The following SPON1 variants were observed in gnomAD, a reference collection of about 807,000 sequenced individuals.
SPON1 encodes the protein spondin 1.
Under a neutral mutation model 111.7 loss-of-function variants are expected in SPON1, and 52 were observed. That is an observed-to-expected ratio of 0.47 (90% CI 0.37 to 0.59). The LOEUF (loss-of-function observed/expected upper bound fraction) is 0.59. SPON1 is among the 20% of genes least tolerant of loss of function. The pLI, the probability that SPON1 is intolerant of heterozygous loss-of-function variation, is 0.00. For synonymous variants in SPON1, 410 were observed against 395.8 expected, an observed-to-expected ratio of 1.04 and a Z score of -0.43; for missense variants, 957 against 1,068.5, an observed-to-expected ratio of 0.90 and a Z score of 1.46.
chr11:14,064,246 T>C (rs576057310), intron 3 of SPON1, among the ~76,000 whole-genome samples: 2 of 152,238 alleles, frequency 1.3e-5, no homozygotes, highest in Admixed American at 6.5e-5. Flanking sequence ...CAAAGGATAA[T>C]ACAAGATATT....
intron 6 of SPON1, among the ~76,000 whole-genome samples, chr11:14,181,574 G>C (rs1848235044): frequency 6.6e-6 from 1 of 152,198 alleles, no homozygotes; most frequent in South Asian, 2.1e-4. Flanking sequence ...ATTGTTCCTG[G>C]GAATAAATGT....
intron 5 of SPON1, among the ~76,000 whole-genome samples, chr11:14,081,014 T>C (rs2133832698): frequency 6.6e-6 from 1 of 151,874 alleles, no homozygotes; most frequent in Admixed American, 6.5e-5. Context: ...AGCCCAGGAG[T>C]TCAAGGCTGC....
intron 5 of SPON1, among the ~76,000 whole-genome samples, chr11:14,124,115 G>A (rs573178435): frequency 3.3e-5 from 5 of 152,208 alleles, no homozygotes; most frequent in African/African-American, 9.6e-5. Context: ...TATTAAGACA[G>A]TCATATCCTA....
intron 15 of SPON1, among the ~76,000 whole-genome samples, chr11:14,265,070 T>C (rs1849247828): frequency 6.6e-6 from 1 of 152,190 alleles, no homozygotes; most frequent in African/African-American, 2.4e-5. Flanking sequence ...TTGGACTCAT[T>C]CATGTGGCTA....
At chr11:14,170,790 T>C (rs1848089410) in intron 6 of SPON1, among the ~76,000 whole-genome samples, 1 of 152,220 alleles carries the variant, frequency 6.6e-6, no homozygotes, top group African/African-American at 2.4e-5. Flanking sequence ...ATATGCCAGA[T>C]TACGTTTATT....
At chr11:14,246,300 GCTGA>G (rs1413785016) in intron 7 of SPON1, among the ~76,000 whole-genome samples, 1 of 152,130 alleles carries the variant, frequency 6.6e-6, no homozygotes, top group East Asian at 1.9e-4. Flanking sequence ...CCAAGTAGGC[GCTGA>G]CATTTATTAT....
chr11:14,153,347 T>A (rs1487498078), intron 6 of SPON1, among the ~76,000 whole-genome samples: 1 of 152,122 alleles, frequency 6.6e-6, no homozygotes, highest in African/African-American at 2.4e-5. Flanking sequence ...CCACAGGCTG[T>A]AAAGGAAACA....
Position 14,079,930 on chromosome 11 carries a change from C to T in SPON1, c.585C>T (p.Pro195=). The T allele has an allele frequency of 6.2e-7, 1 of 1,613,924 alleles. No homozygotes were observed. Among genetic ancestry groups the T allele is most frequent in the South Asian group, 1.1e-5 (1 of 91,068 alleles). ...DSTFDGVTDK[P]ILDCCACGTA... ...CATTTGATGGGGTGACTGACAAACC[C>T]ATCTTAGACTGCTGTGCCTGCGGAA... is the stretch of plus-strand genomic sequence containing the variant. Residue 195 remains proline, a synonymous_variant, in exon 5 of 16, where the codon CCC becomes CCT. Coordinates refer to ENST00000576479, the MANE Select transcript of SPON1 (RefSeq NM_006108.4).
In SPON1 at chr11:14,267,101, C is replaced by T. The variant is rs1195233562; in HGVS notation, c.*1414C>T. The T allele has an allele frequency of 1.3e-5, 2 of 152,210 alleles. No individual in the cohort carries two copies. Among genetic ancestry groups the T allele is most frequent in the African/African-American group, 4.8e-5 (2 of 41,442 alleles). The allele number at this position is 152,210 out of a possible 1,614,324, so 9.4% of individuals were successfully genotyped here. A position where few individuals can be genotyped will look rare whatever the true frequency, so the allele number is the denominator to read the frequency against. ...TGAGACACATACAATGCTCTGAATA[C>T]ACTACGAATTTGTATTAAACACATC... On this transcript the variant is annotated 3_prime_UTR_variant, in exon 16 of 16. Transcript: ENST00000576479.
chr11:14,204,539 C>A (rs899285935), intron 6 of SPON1, among the ~76,000 whole-genome samples: 7 of 152,148 alleles, frequency 4.6e-5, no homozygotes, highest in Non-Finnish European at 1.5e-5. Flanking sequence ...CCTCCCGCCT[C>A]AGCTTCTCTA....
At chr11:14,264,159 G>A (rs1474168698) in intron 15 of SPON1, among the ~76,000 whole-genome samples, 1 of 152,166 alleles carries the variant, frequency 6.6e-6, no homozygotes, top group Non-Finnish European at 1.5e-5. Context: ...TGCAGATGAA[G>A]CACAGAGGAC....
chr11:14,159,938 C>T (rs1847890994), intron 6 of SPON1, among the ~76,000 whole-genome samples: 1 of 151,712 alleles, frequency 6.6e-6, no homozygotes, highest in Non-Finnish European at 1.5e-5. Context: ...TTAACCGGTA[C>T]AAAAACATAG....
intron 2 of SPON1, among the ~76,000 whole-genome samples, chr11:14,009,671 AAAC>A (rs1327025265): frequency 6.6e-6 from 1 of 152,248 alleles, no homozygotes; most frequent in Non-Finnish European, 1.5e-5. Context: ...AGTGATTTAC[AAAC>A]AACAGAATTT....
chr11:13,962,807 C>A lies in SPON1; in HGVS notation c.-98C>A. The A allele has an allele frequency of 8.5e-7, 1 of 1,170,992 alleles. No individual in the cohort carries two copies. The highest frequency in any genetic ancestry group is 1.1e-6 in the Non-Finnish European group (1 of 882,178). 72.5% of individuals were successfully genotyped at this position (1,170,992 alleles called of 1,614,324 possible). A position where few individuals can be genotyped will look rare whatever the true frequency, so the allele number is the denominator to read the frequency against. ...GCCAGCTCCGAGCTCCCTCTCTCCG[C>A]CGCGCCTCCGCCAGGTCGCGCCTTC... On this transcript the variant is annotated 5_prime_UTR_variant, in exon 1 of 16. Coordinates refer to ENST00000576479, the MANE Select transcript of SPON1 (RefSeq NM_006108.4).
intron 6 of SPON1, among the ~76,000 whole-genome samples, chr11:14,163,128 T>C (rs1847986867): frequency 6.6e-6 from 1 of 152,184 alleles, no homozygotes; most frequent in East Asian, 1.9e-4. Flanking sequence ...TTGCCTAAGT[T>C]TAATAATAAC....
intron 2 of SPON1, among the ~76,000 whole-genome samples, chr11:14,021,502 G>C (rs1157701267): frequency 1.3e-5 from 2 of 152,140 alleles, no homozygotes; most frequent in African/African-American, 4.8e-5. Flanking sequence ...ACCTGAGGAA[G>C]AAGAGGGAAA....
At chr11:13,985,169 C>A (rs782430824) in intron 2 of SPON1, among the ~76,000 whole-genome samples, 1 of 152,230 alleles carries the variant, frequency 6.6e-6, no homozygotes, top group East Asian at 1.9e-4. Flanking sequence ...ACCCATTATT[C>A]TAATGAGACA....
intron 6 of SPON1, among the ~76,000 whole-genome samples, chr11:14,162,677 C>T (rs571930544): frequency 6.6e-6 from 1 of 152,258 alleles, no homozygotes; most frequent in African/African-American, 2.4e-5. Flanking sequence ...CCTTCCTTTT[C>T]TCACTCATAT....
intron 2 of SPON1, among the ~76,000 whole-genome samples, chr11:14,029,338 C>T (rs955587158): frequency 1.3e-5 from 2 of 151,974 alleles, no homozygotes; most frequent in African/African-American, 2.4e-5. Flanking sequence ...AAGCGGGACA[C>T]GAGAATGATA....
Sources: allele counts gnomAD v4.1 joint callset (sites outside exome capture counted in the v4.1 genomes callset), GRCh38; gene constraint gnomAD v4.1.1; transcripts MANE v1.5; gene names NCBI Gene and HGNC (gene_info 2026-07-23, HGNC 2026-07-21).